CLVS2: variants seen among roughly 807,000 people sequenced by gnomAD.
The protein encoded by CLVS2 is clavesin 2, also known as clavesin-2.
A neutral mutation model predicts 29.0 loss-of-function variants in CLVS2; 19 were observed. That is an observed-to-expected ratio of 0.66 (90% CI 0.46 to 0.96). The LOEUF is 0.96. Ranked by LOEUF, CLVS2 falls within the 40% of genes least tolerant of loss-of-function variation. The probability of loss-of-function intolerance (pLI) is 0.00; values close to 1 mark genes in which losing one functional copy is unlikely to be tolerated. For missense variants in CLVS2, 294 were observed against 404.1 expected (o/e 0.73, Z 2.34); for synonymous variants, 161 against 151.3 (o/e 1.06, Z -0.47).
chr6:123,031,774 T>C (rs760132177), intron 3 of CLVS2, among the ~76,000 whole-genome samples: 11 of 152,010 alleles, frequency 7.2e-5, no homozygotes, highest in Non-Finnish European at 1.5e-4. Context: ...CAGGGATGTA[T>C]TGGAAGTCTA....
chr6:123,058,295 C>T (rs1772724551), intron 5 of CLVS2, among the ~76,000 whole-genome samples: 1 of 152,142 alleles, frequency 6.6e-6, no homozygotes, highest in Admixed American at 6.5e-5. Flanking sequence ...AGCCTGCCTA[C>T]CCTTCGTGGC....
At chr6:123,045,716 A>C (rs1409911583) in intron 3 of CLVS2, among the ~76,000 whole-genome samples, 1 of 152,202 alleles carries the variant, frequency 6.6e-6, no homozygotes, top group Non-Finnish European at 1.5e-5. Context: ...CAGAATATGT[A>C]ACCTCTGCAT....
chr6:123,036,857 G>A (rs1452191047), intron 3 of CLVS2, among the ~76,000 whole-genome samples: 9 of 152,122 alleles, frequency 5.9e-5, no homozygotes, highest in African/African-American at 4.8e-5. Flanking sequence ...AGGTGGTAGA[G>A]CTAAAAGCGT....
At chr6:123,061,608 C>T (rs1254436231) in intron 5 of CLVS2, among the ~76,000 whole-genome samples, 1 of 152,156 alleles carries the variant, frequency 6.6e-6, no homozygotes, top group Non-Finnish European at 1.5e-5. Flanking sequence ...ATCTGTAGTG[C>T]ATACTAAAAG....
chr6:123,064,505 A>G lies in CLVS2; in HGVS notation c.*744A>G, dbSNP rs1772824808. ...CAATGTGCCCTTTATTCAAGACCCT[A>G]TTATATTTCTTCCTAATGTACTCTA... On this transcript the variant is annotated 3_prime_UTR_variant, in exon 6 of 6. Transcript: ENST00000275162. 1 of 151,794 alleles carries G rather than the reference A, an allele frequency of 6.6e-6. No individual in the cohort carries two copies. The highest frequency in any genetic ancestry group is 2.4e-5 in the African/African-American group (1 of 41,346). The allele number at this position is 151,794 out of a possible 1,614,324, so 9.4% of individuals were successfully genotyped here.
chr6:123,020,542 T>C (rs1774904525), intron 3 of CLVS2, among the ~76,000 whole-genome samples: 1 of 152,032 alleles, frequency 6.6e-6, no homozygotes, highest in Non-Finnish European at 1.5e-5. Flanking sequence ...GCTGCTACAA[T>C]ACTGAGAGAG....
chr6:123,056,561 A>G (rs1772696586), intron 5 of CLVS2, among the ~76,000 whole-genome samples: 1 of 152,192 alleles, frequency 6.6e-6, no homozygotes, highest in Non-Finnish European at 1.5e-5. Context: ...GGTAACCTCA[A>G]CTTAGTGTTG....
intron 5 of CLVS2, among the ~76,000 whole-genome samples, chr6:123,062,909 C>T (rs1223437563): frequency 1.3e-5 from 2 of 152,212 alleles, no homozygotes; most frequent in Admixed American, 6.5e-5. Flanking sequence ...GAGCATGTTT[C>T]ATTGATTTTC....
chr6:123,055,798 A>G lies in CLVS2; in HGVS notation c.676-8A>G, dbSNP rs187275685. The G allele has an allele frequency of 1.3e-3, 2,138 of 1,594,020 alleles. 5 individuals carry two copies. The highest frequency in any genetic ancestry group is 1.7e-3 in the South Asian group (157 of 90,660). On this transcript the variant is annotated splice_polypyrimidine_tract_variant and splice_region_variant and intron_variant, in intron 4 of 5. Coordinates refer to ENST00000275162, the MANE Select transcript of CLVS2 (RefSeq NM_001010852.4). ...CTTTCCCTTCCTCCCGTCTTCTTGC[A>G]TTTATAGATATTTTTGCATGGTAAC...
At chr6:123,002,270 T>C in intron 2 of CLVS2, among the ~76,000 whole-genome samples, 1 of 152,164 alleles carries the variant, frequency 6.6e-6, no homozygotes, top group South Asian at 2.1e-4. Context: ...AGCGAAGCTC[T>C]GGAAGGGGCA....
intron 3 of CLVS2, among the ~76,000 whole-genome samples, chr6:123,016,944 G>A (rs976005721): frequency 6.6e-6 from 1 of 152,044 alleles, no homozygotes; most frequent in Non-Finnish European, 1.5e-5. Flanking sequence ...TGCCAAAAAC[G>A]CAGGACATGC....
At chr6:123,013,294 G>A (rs989024011) in intron 3 of CLVS2, among the ~76,000 whole-genome samples, 2 of 151,972 alleles carry the variant, frequency 1.3e-5, no homozygotes, top group Non-Finnish European at 2.9e-5. Context: ...TACATACACA[G>A]TTTTAGGTTG....
chr6:123,024,249 T>G (rs1268954285), intron 3 of CLVS2, among the ~76,000 whole-genome samples: 1 of 152,144 alleles, frequency 6.6e-6, no homozygotes, highest in African/African-American at 2.4e-5. Context: ...TGTAAGAAAA[T>G]GATTAAAAAC....
chr6:123,029,949 C>T (rs1312991768), intron 3 of CLVS2, among the ~76,000 whole-genome samples: 2 of 152,142 alleles, frequency 1.3e-5, no homozygotes, highest in Admixed American at 6.6e-5. Context: ...CATCGTCCTA[C>T]GTGGAGAAAG....
chr6:123,023,988 G>C (rs1562167227), intron 3 of CLVS2, among the ~76,000 whole-genome samples: 1 of 152,094 alleles, frequency 6.6e-6, no homozygotes, highest in East Asian at 1.9e-4. Flanking sequence ...TTTGTCCTAT[G>C]CTCAAGAAGA....
chr6:123,002,295 C>T (rs1360886459), intron 2 of CLVS2, among the ~76,000 whole-genome samples: 2 of 152,140 alleles, frequency 1.3e-5, no homozygotes, highest in African/African-American at 2.4e-5. Flanking sequence ...ACTGATTGGT[C>T]AGACATTGAT....
rs183242803 is a variant in CLVS2, at chr6:123,055,790, C to T, written c.676-16C>T. 6.4e-7 allele frequency: 1 copy of T among 1,571,080 alleles called. No homozygotes were observed. Among genetic ancestry groups the T allele is most frequent in the Non-Finnish European group, 8.8e-7 (1 of 1,140,916 alleles). On this transcript the variant is annotated splice_polypyrimidine_tract_variant and intron_variant, in intron 4 of 5. Transcript: ENST00000275162. ...CTCTGTGTCTTTCCCTTCCTCCCGTCTTCTTGCATTTATAGATATTTTTGC... is the reference window on the plus strand; with the variant it reads ...CTCTGTGTCTTTCCCTTCCTCCCGTTTTCTTGCATTTATAGATATTTTTGC...
rs190170515 is a variant in CLVS2, at chr6:123,048,694, G to A, written c.637G>A (p.Val213Met). ...QPWYIHALYT[V>M]IRPFLKEKTR... ...ATGGTATATCCATGCCCTGTACACC[G>A]TGATCCGGCCTTTCCTGAAGGAGAA... Residue 213 changes from valine (V) to methionine (M), a missense_variant, in exon 4 of 6, where the codon GTG becomes ATG. Val to Met is a conservative substitution (Grantham distance 21). Transcript: ENST00000275162. 79 of 1,613,200 alleles carry A rather than the reference G, an allele frequency of 4.9e-5. No homozygotes were observed. Among genetic ancestry groups the A allele is most frequent in the African/African-American group, 1.5e-4 (11 of 74,970 alleles).
intron 4 of CLVS2, among the ~76,000 whole-genome samples, chr6:123,049,808 G>GGA (rs1554203174): frequency 4.3e-5 from 6 of 138,954 alleles, no homozygotes; most frequent in Non-Finnish European, 9.1e-5. Flanking sequence ...GTGGGATGGG[G>GGA]GGCGGGGAGG....
Sources: gnomAD v4.1 joint callset for allele counts (sites outside exome capture counted in the v4.1 genomes callset) on GRCh38, gnomAD v4.1.1 for gene constraint, MANE v1.5 for transcripts, NCBI Gene and HGNC (gene_info 2026-07-23, HGNC 2026-07-21) for gene names.